CNGA3: variants seen among roughly 807,000 people sequenced by gnomAD.
The protein encoded by CNGA3 is cyclic nucleotide gated channel subunit alpha 3, also known as cyclic nucleotide-gated channel alpha-3.
Under a neutral mutation model 46.6 loss-of-function variants are expected in CNGA3, and 42 were observed. The ratio of observed to expected loss-of-function variants is 0.90; its 90% CI spans 0.70 to 1.17. The LOEUF is 1.17. CNGA3 is among the 50% of genes most tolerant of loss of function. CNGA3 has a pLI of 0.00. For synonymous variants in CNGA3, 394 were observed against 369.4 expected (o/e 1.07, Z -0.76); for missense variants, 893 against 890.7 (o/e 1.00, Z -0.03).
At chr2:98,383,593 T>C in intron 5 of CNGA3, 152 bp downstream of exon 5, 1 of 798,146 alleles carries the variant, frequency 1.3e-6, no homozygotes, top group Non-Finnish European at 2.1e-6. Context: ...TCGTTGGAAT[T>C]CCATCCCTGT....
intron 1 of CNGA3, among the ~76,000 whole-genome samples, chr2:98,365,955 G>T (rs961541690): frequency 6.6e-6 from 1 of 152,206 alleles, no homozygotes; most frequent in Non-Finnish European, 1.5e-5. Context: ...GATGTGTTGT[G>T]ATCATTTGGA....
At chr2:98,395,695 A>G (rs1692893798) in intron 7 of CNGA3, 149 bp from the exon 8 acceptor site, 1 of 679,724 alleles carries the variant, frequency 1.5e-6, no homozygotes, top group Admixed American at 2.3e-5. Flanking sequence ...CATTTCCTGT[A>G]GTAATGGTAA....
At chr2:98,390,813 GTCT>G (rs1385485259) in intron 6 of CNGA3, among the ~76,000 whole-genome samples, 2 of 152,182 alleles carry the variant, frequency 1.3e-5, no homozygotes, top group African/African-American at 2.4e-5. Flanking sequence ...TACACTGTTG[GTCT>G]TCTGAGGGTA....
At chr2:98,365,297 C>G (rs569101750) in intron 1 of CNGA3, among the ~76,000 whole-genome samples, 44 of 152,196 alleles carry the variant, frequency 2.9e-4, no homozygotes, top group Non-Finnish European at 5.9e-5. Context: ...CAAAAATTAG[C>G]TGGGCATGGT....
At chr2:98,346,970 C>T (rs957445782) in intron 1 of CNGA3, 2 of 152,146 alleles carry the variant, frequency 1.3e-5, no homozygotes, top group African/African-American at 4.8e-5. Context: ...TACATTTCCT[C>T]CTGTCACGCT....
chr2:98,382,476 T>C (rs543000748), intron 4 of CNGA3, among the ~76,000 whole-genome samples: 1 of 152,282 alleles, frequency 6.6e-6, no homozygotes, highest in South Asian at 2.1e-4. Context: ...TTGGGCAGGA[T>C]GAGCTGAAGT....
rs1214670126 is a variant in CNGA3 at position 98,378,132 on chromosome 2, G to C, written c.215+332G>C. On this transcript the variant is annotated intron_variant, in intron 3 of 7. Coordinates refer to ENST00000272602, the MANE Select transcript of CNGA3 (RefSeq NM_001298.3). ...GCCAGCCGTGGGAGACCTTTGATTG[G>C]GTGGACACAGTGGTGTGCTGAGGAT... is the stretch of plus-strand genomic sequence containing the variant. 10 of 1,550,734 alleles carry C rather than the reference G, an allele frequency of 6.4e-6. No homozygotes were observed. The South Asian group carries it at 1.1e-4, about 17-fold the overall frequency.
intron 5 of CNGA3, among the ~76,000 whole-genome samples, chr2:98,386,882 C>A (rs887568192): frequency 6.6e-6 from 1 of 152,124 alleles, no homozygotes; most frequent in Non-Finnish European, 1.5e-5. Context: ...CTGGATTCTG[C>A]GTAAGATCCA....
chr2:98,389,789 T>G lies in CNGA3; in HGVS notation c.566+15T>G, dbSNP rs200035302. The stretch of plus-strand genomic sequence containing the variant: ...CTTATTTGCAGGTAAGCGACAGGGG[T>G]GGAAGGTGCAGCGGAAAGGGGGAAA... On this transcript the variant is annotated intron_variant, in intron 6 of 7. Coordinates refer to ENST00000272602, the MANE Select transcript of CNGA3 (RefSeq NM_001298.3). 1 of 1,603,830 alleles carries G rather than the reference T, an allele frequency of 6.2e-7. No homozygotes were observed. Among genetic ancestry groups the G allele is most frequent in the East Asian group, 2.2e-5 (1 of 44,808 alleles).
chr2:98,351,870 T>G (rs1361955028), intron 1 of CNGA3, among the ~76,000 whole-genome samples: 1 of 152,258 alleles, frequency 6.6e-6, no homozygotes, highest in African/African-American at 2.4e-5. Context: ...ATAATTTTCA[T>G]GCCACAAATG....
At chr2:98,383,240 C>T (rs763292577) in intron 4 of CNGA3, 148 bp from the exon 5 acceptor site, 2 of 776,234 alleles carry the variant, frequency 2.6e-6, no homozygotes, top group Admixed American at 2.0e-5. Flanking sequence ...CTTGACAATA[C>T]CACCCCGTAT....
intron 1 of CNGA3, among the ~76,000 whole-genome samples, chr2:98,364,203 C>T (rs1692096594): frequency 6.6e-6 from 1 of 151,996 alleles, no homozygotes; most frequent in Admixed American, 6.6e-5. Flanking sequence ...CATGGTGAAA[C>T]CTCATCTCTA....
intron 7 of CNGA3, among the ~76,000 whole-genome samples, chr2:98,395,190 C>T (rs1692881014): frequency 6.6e-6 from 1 of 151,578 alleles, no homozygotes; most frequent in South Asian, 2.1e-4. Context: ...TTTTCAAAGA[C>T]TCAGAGTCTC....
intron 5 of CNGA3, among the ~76,000 whole-genome samples, chr2:98,384,940 C>A: frequency 6.6e-6 from 1 of 152,092 alleles, no homozygotes; most frequent in Non-Finnish European, 1.5e-5. Context: ...TTTATGAACA[C>A]CTTCCCCGAC....
intron 5 of CNGA3, among the ~76,000 whole-genome samples, chr2:98,385,265 T>G (rs949136231): frequency 2.0e-5 from 3 of 152,202 alleles, no homozygotes; most frequent in African/African-American, 7.2e-5. Context: ...CGTCTGCTGG[T>G]GACTTGACGT....
At chr2:98,375,272 C>T (rs900269052) in intron 2 of CNGA3, among the ~76,000 whole-genome samples, 1 of 152,246 alleles carries the variant, frequency 6.6e-6, no homozygotes, top group Non-Finnish European at 1.5e-5. Context: ...AACCAGACTA[C>T]GCTAAAACGC....
At chr2:98,354,565 G>A (rs189255146) in intron 1 of CNGA3, among the ~76,000 whole-genome samples, 41 of 152,254 alleles carry the variant, frequency 2.7e-4, no homozygotes, top group East Asian at 7.7e-4. Flanking sequence ...CAGAAGGATC[G>A]CTTGAGCCTA....
intron 1 of CNGA3, among the ~76,000 whole-genome samples, chr2:98,369,004 G>A (rs532122622): frequency 3.3e-5 from 5 of 152,214 alleles, no homozygotes; most frequent in Admixed American, 2.0e-4. Flanking sequence ...GGGAAGTTGC[G>A]AATCTTACGA....
At chr2:98,367,176 C>CTTTTTTTTTTTT (rs1182363811) in intron 1 of CNGA3, among the ~76,000 whole-genome samples, 1 of 115,528 alleles carries the variant, frequency 8.7e-6, no homozygotes, top group African/African-American at 3.2e-5. Flanking sequence ...TGTTTTTTTT[C>CTTTTTTTTTTTT]TTTTTTTTCT....
Sources: allele counts gnomAD v4.1 joint callset (sites outside exome capture counted in the v4.1 genomes callset), GRCh38; gene constraint gnomAD v4.1.1; transcripts MANE v1.5; gene names NCBI Gene and HGNC (gene_info 2026-07-23, HGNC 2026-07-21).